Variants in RBFOX1 observed in about 807,000 individuals in gnomAD.
RBFOX1 encodes RNA binding protein fox-1 homolog 1.
Under a neutral mutation model 57.7 loss-of-function variants are expected in RBFOX1, and 8 were observed. The ratio of observed to expected loss-of-function variants is 0.14; its 90% CI spans 0.08 to 0.25. The LOEUF (loss-of-function observed/expected upper bound fraction) is 0.25. Ranked by LOEUF, RBFOX1 falls within the 10% of genes least tolerant of loss-of-function variation. The pLI is 1.00. For missense variants in RBFOX1, 611 were observed against 548.5 expected (o/e 1.11, Z -1.14); for synonymous variants, 326 against 222.4 (o/e 1.47, Z -4.15).
At chr16:5,516,821 C>T (rs1037313361) in intron 2 of RBFOX1, among the ~76,000 whole-genome samples, 20 of 152,096 alleles carry the variant, frequency 1.3e-4, no homozygotes, top group Admixed American at 4.6e-4. Flanking sequence ...CTTCTCTCTC[C>T]TGCTGCCCTA....
At chr16:6,735,580 C>A (rs1466812582) in intron 3 of RBFOX1, among the ~76,000 whole-genome samples, 6 of 152,130 alleles carry the variant, frequency 3.9e-5, no homozygotes, top group African/African-American at 1.2e-4. Flanking sequence ...CTTGTATTTG[C>A]TTATGTCCCA....
intron 1 of RBFOX1, among the ~76,000 whole-genome samples, chr16:6,157,981 T>G (rs61495183): frequency 0.025 from 3,869 of 152,290 alleles, 162 homozygotes; most frequent in African/African-American, 0.085. Flanking sequence ...AAAGATGAGA[T>G]ATACTAATTG....
intron 4 of RBFOX1, among the ~76,000 whole-genome samples, chr16:7,183,248 G>T (rs1035063852): frequency 1.3e-5 from 2 of 152,140 alleles, no homozygotes; most frequent in Non-Finnish European, 2.9e-5. Flanking sequence ...AGAAAAAGAA[G>T]CCATGGTGAA....
intron 2 of RBFOX1, among the ~76,000 whole-genome samples, chr16:6,546,686 C>G (rs2096900808): frequency 6.6e-6 from 1 of 151,864 alleles, no homozygotes; most frequent in African/African-American, 2.4e-5. Flanking sequence ...TCTGTAGATT[C>G]TTTTTGCAAA....
chr16:6,159,887 T>G (rs2096865399), intron 1 of RBFOX1, among the ~76,000 whole-genome samples: 1 of 97,662 alleles, frequency 1.0e-5, no homozygotes, highest in Non-Finnish European at 2.5e-5. Context: ...CAGTATCTCC[T>G]TAAATTTGTG....
intron 3 of RBFOX1, among the ~76,000 whole-genome samples, chr16:5,818,538 C>G (rs748340931): frequency 7.9e-5 from 12 of 152,184 alleles, no homozygotes; most frequent in Non-Finnish European, 1.6e-4. Flanking sequence ...TCGGAAGACA[C>G]AAGGAACCTC....
intron 3 of RBFOX1, among the ~76,000 whole-genome samples, chr16:5,770,035 G>A (rs1257709465): frequency 5.3e-5 from 8 of 152,192 alleles, no homozygotes; most frequent in Admixed American, 4.6e-4. Flanking sequence ...AAACTATAGA[G>A]AAGATTTACT....
intron 4 of RBFOX1, among the ~76,000 whole-genome samples, chr16:7,372,937 T>A (rs1596727253): frequency 2.2e-5 from 1 of 45,430 alleles, no homozygotes; most frequent in African/African-American, 7.8e-5. Flanking sequence ...AGAAATTGCA[T>A]TTTTTTTTTT....
At position 7,518,164 on chromosome 16, in the gene RBFOX1, C is replaced by A. The variant is rs1351528483; in HGVS notation, c.45C>A (p.Ala15=). The change falls in exon 5 of 16, where the codon GCC becomes GCA. Residue 15 remains alanine (A), a synonymous_variant. Transcript: ENST00000550418. ...TTTTTCAGGGTAATCAGGAAGCAGC[C>A]GCTGCCCCTGACACAATGGCTCAGC... is the stretch of plus-strand genomic sequence containing the variant. ...REQLRGNQEA[A]AAPDTMAQPY... 1 of 1,612,078 alleles carries A rather than the reference C, an allele frequency of 6.2e-7. No homozygotes were observed. Among genetic ancestry groups the A allele is most frequent in the Non-Finnish European group, 8.5e-7 (1 of 1,178,986 alleles).
At chr16:7,661,036 G>T (rs1037589933) in intron 12 of RBFOX1, among the ~76,000 whole-genome samples, 6 of 152,316 alleles carry the variant, frequency 3.9e-5, no homozygotes, top group Non-Finnish European at 8.8e-5. Context: ...CTAGACTAGG[G>T]ACTGATCCAT....
chr16:6,961,947 T>C (rs992602831), intron 3 of RBFOX1, among the ~76,000 whole-genome samples: 1 of 137,832 alleles, frequency 7.3e-6, no homozygotes, highest in Admixed American at 7.5e-5. Flanking sequence ...GTGCAGACCT[T>C]CTGTCTCATC....
intron 3 of RBFOX1, among the ~76,000 whole-genome samples, chr16:5,642,938 C>T (rs371787711): frequency 3.5e-4 from 53 of 152,308 alleles, no homozygotes; most frequent in African/African-American, 1.2e-3. Context: ...GCTCACCCAC[C>T]TGGTATTCCT....
chr16:6,180,074 A>G (rs192939379), intron 1 of RBFOX1, among the ~76,000 whole-genome samples: 13 of 152,256 alleles, frequency 8.5e-5, no homozygotes, highest in Admixed American at 8.5e-4. Flanking sequence ...ATCTATATTT[A>G]TAAAATATGT....
intron 2 of RBFOX1, among the ~76,000 whole-genome samples, chr16:5,514,952 G>GT: frequency 6.6e-6 from 1 of 152,296 alleles, no homozygotes; most frequent in Admixed American, 6.5e-5. Context: ...TCTGCTTTTG[G>GT]TCAGGACCTC....
chr16:6,371,904 C>T (rs1301909852), intron 2 of RBFOX1, among the ~76,000 whole-genome samples: 2 of 152,188 alleles, frequency 1.3e-5, no homozygotes, highest in African/African-American at 2.4e-5. Flanking sequence ...TATCTTTTAT[C>T]TGTCTGTTAG....
intron 4 of RBFOX1, among the ~76,000 whole-genome samples, chr16:7,425,969 G>T (rs1183167229): frequency 6.6e-6 from 1 of 152,216 alleles, no homozygotes; most frequent in East Asian, 1.9e-4. Flanking sequence ...CATGAGCTCA[G>T]ATCAATTGTT....
intron 1 of RBFOX1, among the ~76,000 whole-genome samples, chr16:6,061,631 C>T (rs1046081505): frequency 6.6e-6 from 1 of 151,624 alleles, no homozygotes; most frequent in Non-Finnish European, 1.5e-5. Context: ...AAATTATTTT[C>T]AGAAATTTAT....
rs370308191 is a variant in RBFOX1 at position 6,975,347 on chromosome 16, T to C, written c.-15-76710T>C. Among the ~76,000 whole-genome samples the C allele has an allele frequency of 1.4e-3, 215 of 152,118 alleles. 13 individuals are homozygous for C. In the South Asian group the frequency reaches 0.043, roughly 30 times the overall value. On this transcript the variant is annotated intron_variant, in intron 3 of 15. Coordinates refer to ENST00000550418, the MANE Select transcript of RBFOX1 (RefSeq NM_018723.4). ...GTGGCACAATATCAGCTCACTGCAA[T>C]CTCCGACTCCTGGGTTCAAGCGATT...
intron 3 of RBFOX1, among the ~76,000 whole-genome samples, chr16:5,709,019 G>A (rs2051354822): frequency 6.6e-6 from 1 of 152,114 alleles, no homozygotes; most frequent in Admixed American, 6.6e-5. Flanking sequence ...AGACCCAACC[G>A]AAATATTTCC....
Sources: allele counts gnomAD v4.1 joint callset (sites outside exome capture counted in the v4.1 genomes callset), GRCh38; gene constraint gnomAD v4.1.1; transcripts MANE v1.5; gene names NCBI Gene and HGNC (gene_info 2026-07-23, HGNC 2026-07-21).